CNTNAP2: variants seen among roughly 807,000 people sequenced by gnomAD.
CNTNAP2 encodes the protein contactin-associated protein-like 2.
Under a neutral mutation model 155.2 loss-of-function variants are expected in CNTNAP2, and 98 were observed. The ratio of observed to expected loss-of-function variants is 0.63; its 90% CI spans 0.54 to 0.75. The LOEUF (loss-of-function observed/expected upper bound fraction) is 0.75, where lower values mean the gene tolerates loss of function less well. Among genes scored for constraint, CNTNAP2 ranks in the 30% least tolerant of loss-of-function variants. The pLI, the probability that CNTNAP2 is intolerant of heterozygous loss-of-function variation, is 0.00. For synonymous variants in CNTNAP2, 651 were observed against 631.2 expected (o/e 1.03, Z -0.47); for missense variants, 1,727 against 1,688.1 (o/e 1.02, Z -0.40).
intron 3 of CNTNAP2, among the ~76,000 whole-genome samples, chr7:146,947,410 C>CTATATA (rs35859103): frequency 8.2e-6 from 1 of 122,670 alleles, no homozygotes; most frequent in African/African-American, 3.2e-5. Context: ...CTCTCTCTCT[C>CTATATA]TATATATATA....
intron 8 of CNTNAP2, among the ~76,000 whole-genome samples, chr7:147,161,101 G>A (rs900344013): frequency 1.3e-5 from 2 of 152,146 alleles, no homozygotes; most frequent in African/African-American, 2.4e-5. Context: ...AGCAAGTAAA[G>A]AGGAGATAAT....
chr7:146,659,317 G>A (rs2129165596), intron 1 of CNTNAP2, among the ~76,000 whole-genome samples: 1 of 152,296 alleles, frequency 6.6e-6, no homozygotes, highest in African/African-American at 2.4e-5. Context: ...ATATCTATAA[G>A]TACTTTCAGG....
chr7:147,534,784 T>C (rs1454100968), intron 11 of CNTNAP2, among the ~76,000 whole-genome samples: 1 of 152,180 alleles, frequency 6.6e-6, no homozygotes. Context: ...GATAAGAGCT[T>C]AGCATTTCTA....
At chr7:147,502,737 GTGTGTATA>G (rs761402323) in intron 11 of CNTNAP2, among the ~76,000 whole-genome samples, 31 of 92,190 alleles carry the variant, frequency 3.4e-4, no homozygotes, top group East Asian at 7.6e-4. Flanking sequence ...GTGTGTGTGT[GTGTGTATA>G]TATATATATA....
At chr7:147,830,462 A>G (rs181786590) in intron 13 of CNTNAP2, among the ~76,000 whole-genome samples, 1 of 152,182 alleles carries the variant, frequency 6.6e-6, no homozygotes, top group Non-Finnish European at 1.5e-5. Context: ...TTGGGTGTTA[A>G]GATTTCAGCA....
At chr7:147,364,790 G>A (rs112744493) in intron 9 of CNTNAP2, among the ~76,000 whole-genome samples, 5 of 151,752 alleles carry the variant, frequency 3.3e-5, no homozygotes, top group East Asian at 2.0e-4. Context: ...CGGAGCTTGC[G>A]GTGAGCCGAG....
intron 10 of CNTNAP2, among the ~76,000 whole-genome samples, chr7:147,424,629 C>T (rs1202192007): frequency 2.6e-5 from 4 of 152,138 alleles, no homozygotes; most frequent in East Asian, 1.9e-4. Context: ...CATATTCCAT[C>T]TGTATGTTGA....
chr7:146,994,144 A>G (rs1798263671), intron 3 of CNTNAP2, among the ~76,000 whole-genome samples: 1 of 152,202 alleles, frequency 6.6e-6, no homozygotes, highest in South Asian at 2.1e-4. Context: ...TATGTGAAAT[A>G]GAACAAGTGA....
chr7:147,746,204 A>G (rs773698956), intron 13 of CNTNAP2, among the ~76,000 whole-genome samples: 1 of 152,204 alleles, frequency 6.6e-6, no homozygotes, highest in Non-Finnish European at 1.5e-5. Flanking sequence ...GATAAAGCAG[A>G]AGAGGATCTG....
At chr7:146,615,841 C>T (rs1310125037) in intron 1 of CNTNAP2, among the ~76,000 whole-genome samples, 2 of 152,152 alleles carry the variant, frequency 1.3e-5, no homozygotes, top group African/African-American at 4.8e-5. Context: ...TCATGTGCTA[C>T]GGTGGTAGTC....
rs539449907 is a variant in CNTNAP2, at chr7:147,478,902, T to C, written c.1671-7033T>C. Among the ~76,000 whole-genome samples, 16 of 152,350 alleles carry C rather than the reference T, an allele frequency of 1.1e-4. No homozygotes were observed. The East Asian group carries it at 2.9e-3, about 28-fold the overall frequency. Reference sequence around the variant, plus strand: ...TTTGTTAGGATGCCTGACTCTTTCCTTCTTGATCCTTGGAGACTGAAATAG... The same window carrying C: ...TTTGTTAGGATGCCTGACTCTTTCCCTCTTGATCCTTGGAGACTGAAATAG... On this transcript the variant is annotated intron_variant, in intron 10 of 23. Transcript: ENST00000361727.
chr7:146,519,530 C>T (rs1386453077), intron 1 of CNTNAP2, among the ~76,000 whole-genome samples: 5 of 151,926 alleles, frequency 3.3e-5, no homozygotes, highest in Non-Finnish European at 5.9e-5. Flanking sequence ...GAGGCATTCA[C>T]ATTCAGTCAA....
intron 3 of CNTNAP2, among the ~76,000 whole-genome samples, chr7:146,976,353 G>C (rs1013202699): frequency 6.6e-6 from 1 of 152,068 alleles, no homozygotes; most frequent in South Asian, 2.1e-4. Flanking sequence ...ATCCCACAGG[G>C]TGAGGGCTCC....
intron 15 of CNTNAP2, among the ~76,000 whole-genome samples, chr7:148,012,997 C>G (rs757913125): frequency 6.6e-6 from 1 of 152,106 alleles, no homozygotes; most frequent in Non-Finnish European, 1.5e-5. Flanking sequence ...TTTAAATTTG[C>G]TTTTCTGTAA....
At chr7:147,424,701 A>C (rs775755907) in intron 10 of CNTNAP2, among the ~76,000 whole-genome samples, 104 of 152,288 alleles carry the variant, frequency 6.8e-4, no homozygotes, top group African/African-American at 2.3e-3. Context: ...GCCTGCTCCC[A>C]GTCAGCACAG....
At chr7:147,038,123 T>C (rs1799191463) in intron 3 of CNTNAP2, among the ~76,000 whole-genome samples, 1 of 152,094 alleles carries the variant, frequency 6.6e-6, no homozygotes, top group Admixed American at 6.6e-5. Flanking sequence ...GCCACTGTAC[T>C]CTAGCCTGGG....
intron 1 of CNTNAP2, among the ~76,000 whole-genome samples, chr7:146,712,494 T>C (rs1480433621): frequency 6.7e-6 from 1 of 150,346 alleles, no homozygotes; most frequent in Non-Finnish European, 1.5e-5. Context: ...ATAGAAAGTT[T>C]TTTTTTTTCC....
intron 21 of CNTNAP2, among the ~76,000 whole-genome samples, chr7:148,339,291 G>A (rs886304797): frequency 5.9e-5 from 9 of 151,868 alleles, no homozygotes; most frequent in African/African-American, 2.2e-4. Context: ...TGTGCTGTGT[G>A]TATTGCCCAC....
At chr7:148,246,850 G>A (rs1796270754) in intron 20 of CNTNAP2, among the ~76,000 whole-genome samples, 1 of 152,168 alleles carries the variant, frequency 6.6e-6, no homozygotes, top group African/African-American at 2.4e-5. Context: ...TACAGTGAAG[G>A]GAAGTTCTAG....
Sources: gnomAD v4.1 joint callset for allele counts (sites outside exome capture counted in the v4.1 genomes callset) on GRCh38, gnomAD v4.1.1 for gene constraint, MANE v1.5 for transcripts, NCBI Gene and HGNC (gene_info 2026-07-23, HGNC 2026-07-21) for gene names.